Variants in TFDP2 observed in about 807,000 individuals in gnomAD.
TFDP2 encodes transcription factor Dp-2, also known as transcription factor Dp-2 (E2F dimerization partner 2).
In TFDP2, 17 loss-of-function variants were observed where a neutral mutation model predicts 59.3. The observed-to-expected ratio is 0.29, with a 90% CI of 0.20 to 0.43. TFDP2 has a LOEUF of 0.43. Among genes scored for constraint, TFDP2 ranks in the 20% least tolerant of loss-of-function variants. The probability of loss-of-function intolerance (pLI) is 1.00; values close to 1 mark genes in which losing one functional copy is unlikely to be tolerated. For missense variants in TFDP2, 391 were observed against 528.8 expected, an observed-to-expected ratio of 0.74 and a Z score of 2.56; for synonymous variants, 180 against 194.7, an observed-to-expected ratio of 0.92 and a Z score of 0.63.
At position 141,963,798 on chromosome 3, in the gene TFDP2, A is replaced by AG. The variant is rs1312358164; in HGVS notation, c.884+13dup. The AG allele has an allele frequency of 8.1e-6, 13 of 1,608,818 alleles. No homozygotes were observed. Among genetic ancestry groups the AG allele is most frequent in the Non-Finnish European group, 1.1e-5 (13 of 1,178,026 alleles). On this transcript the variant is annotated intron_variant, in intron 10 of 12. Transcript: ENST00000489671. ...GAAGGCCAGCCCTGCACCCATCCCT[A>AG]GTTCTCCACTCACTTGTCACTGGAG... is the stretch of plus-strand genomic sequence containing the variant.
intron 3 of TFDP2, among the ~76,000 whole-genome samples, chr3:142,073,341 T>G (rs2060314247): frequency 6.6e-6 from 1 of 151,820 alleles, no homozygotes; most frequent in South Asian, 2.1e-4. Flanking sequence ...ATAAAGTAAC[T>G]CTGTACTATC....
intron 1 of TFDP2, among the ~76,000 whole-genome samples, chr3:142,139,493 A>C (rs1308596163): frequency 6.6e-5 from 10 of 152,184 alleles, no homozygotes; most frequent in Non-Finnish European, 1.5e-5. Context: ...ATGTTTTTGC[A>C]GTGGCTGGTA....
chr3:141,968,540 CA>C (rs1320562778), intron 9 of TFDP2, among the ~76,000 whole-genome samples: 1 of 87,154 alleles, frequency 1.1e-5, no homozygotes, highest in Non-Finnish European at 2.0e-5. Context: ...ATATATATAA[CA>C]TATATATATC....
At chr3:142,033,734 C>G (rs1946544305) in intron 3 of TFDP2, among the ~76,000 whole-genome samples, 1 of 152,096 alleles carries the variant, frequency 6.6e-6, no homozygotes, top group South Asian at 2.1e-4. Context: ...CATCCAAATT[C>G]AAGTATTTGT....
Position 142,097,182 on chromosome 3 carries a change from T to A in TFDP2, c.16-4055A>T, listed in dbSNP as rs369571978. On this transcript the variant is annotated intron_variant, in intron 2 of 12. Transcript: ENST00000489671. ...AAATGTCACTTTCATATACCACAAG[T>A]ATATATATAAATCTGTGCAATCTTA... Among the ~76,000 whole-genome samples, 29 of 152,276 alleles carry A rather than the reference T, an allele frequency of 1.9e-4. No homozygotes were observed. The East Asian group carries it at 3.1e-3, about 16-fold the overall frequency.
In TFDP2 at chr3:141,968,650, A is replaced by C. The variant is rs1158524982; in HGVS notation, c.732+1423T>G. Among the ~76,000 whole-genome samples, 14 of 112,710 alleles carry C rather than the reference A, an allele frequency of 1.2e-4. No individual in the cohort carries two copies. In the East Asian group the frequency reaches 3.2e-3, roughly 26 times the overall value. The allele number at this position is 112,710 out of a possible 152,430, so 73.9% of individuals were successfully genotyped here. ...TATATATAACACATATATATCTCAT[A>C]TATAGATATATATAACACATATATA... On this transcript the variant is annotated intron_variant, in intron 9 of 12. Transcript: ENST00000489671.
chr3:141,973,388 T>C (rs538152045), intron 8 of TFDP2, among the ~76,000 whole-genome samples: 1 of 152,196 alleles, frequency 6.6e-6, no homozygotes, highest in African/African-American at 2.4e-5. Context: ...CCAGAAGCCA[T>C]ATTTAACCTC....
chr3:141,972,934 T>C (rs1254029335), intron 8 of TFDP2, among the ~76,000 whole-genome samples: 6 of 151,756 alleles, frequency 4.0e-5, no homozygotes, highest in Admixed American at 3.9e-4. Flanking sequence ...AAAAGGAGGA[T>C]ATTTCCACTG....
chr3:142,148,450 G>C (rs1349587343), intron 1 of TFDP2, among the ~76,000 whole-genome samples: 2 of 152,130 alleles, frequency 1.3e-5, no homozygotes, highest in East Asian at 3.9e-4. Context: ...TTTAATACGT[G>C]GAGGATTTTC....
intron 8 of TFDP2, 138 bp from the exon 9 acceptor site, chr3:141,970,279 C>T (rs1939513912): frequency 9.6e-6 from 7 of 732,222 alleles, no homozygotes; most frequent in Non-Finnish European, 1.4e-5. Context: ...AAAGACAAAT[C>T]ATATCTTTGT....
chr3:142,058,015 G>C (rs2059797677), intron 3 of TFDP2, among the ~76,000 whole-genome samples: 2 of 152,150 alleles, frequency 1.3e-5, no homozygotes. Context: ...CTATAAAATA[G>C]TCACAATTAT....
At chr3:142,061,889 TACACACACACACAC>T (rs71153939) in intron 3 of TFDP2, among the ~76,000 whole-genome samples, 8 of 79,954 alleles carry the variant, frequency 1.0e-4, no homozygotes, top group African/African-American at 2.5e-4. Flanking sequence ...TCTCTCTCTC[TACACACACACACAC>T]ACACACACAC....
At chr3:141,987,453 T>C (rs1942225336) in intron 6 of TFDP2, among the ~76,000 whole-genome samples, 1 of 151,756 alleles carries the variant, frequency 6.6e-6, no homozygotes, top group Non-Finnish European at 1.5e-5. Flanking sequence ...AGCTAATGTT[T>C]TGTATTTTTA....
At chr3:142,124,922 A>G (rs2062181059) in intron 1 of TFDP2, among the ~76,000 whole-genome samples, 3 of 152,216 alleles carry the variant, frequency 2.0e-5, no homozygotes, top group Admixed American at 2.0e-4. Flanking sequence ...TGAGCTGGGC[A>G]TTGTAGATTA....
chr3:141,977,796 C>T (rs139813352), intron 7 of TFDP2, among the ~76,000 whole-genome samples: 4,368 of 151,744 alleles, frequency 0.029, 191 homozygotes, highest in African/African-American at 0.1. Context: ...CTGCAACCTC[C>T]GCCTCCCAGG....
rs773566674 is a variant in TFDP2 at position 142,101,718 on chromosome 3, A to C, written c.15+17T>G. The C allele has an allele frequency of 7.4e-7, 1 of 1,354,116 alleles. No homozygotes were observed. The highest frequency in any genetic ancestry group is 1.4e-5 in the African/African-American group (1 of 69,230). 83.9% of individuals were successfully genotyped at this position (1,354,116 alleles called of 1,614,324 possible). A position where few individuals can be genotyped will look rare whatever the true frequency, so the allele number is the denominator to read the frequency against. On this transcript the variant is annotated intron_variant, in intron 2 of 12. Transcript: ENST00000489671. ...ACTTTAAACAATACTTACATTAAAA[A>C]ATTTACAAATACTTACATTTTTTGC...
chr3:142,035,609 C>T (rs555332709), intron 3 of TFDP2, among the ~76,000 whole-genome samples: 13 of 152,282 alleles, frequency 8.5e-5, no homozygotes, highest in Admixed American at 5.9e-4. Flanking sequence ...GATATGGTTT[C>T]GCTGTGTCCC....
chr3:142,041,865 T>C (rs1406821902), intron 3 of TFDP2, among the ~76,000 whole-genome samples: 1 of 152,188 alleles, frequency 6.6e-6, no homozygotes, highest in East Asian at 1.9e-4. Flanking sequence ...CCTAGGTTCA[T>C]TTTTTTGCAT....
At chr3:141,995,863 A>G (rs1404833850) in intron 4 of TFDP2, among the ~76,000 whole-genome samples, 1 of 149,460 alleles carries the variant, frequency 6.7e-6, no homozygotes, top group East Asian at 2.0e-4. Context: ...AGCCTGGGCA[A>G]AAAGAGCAAA....
Sources: gnomAD v4.1 joint callset for allele counts (sites outside exome capture counted in the v4.1 genomes callset) on GRCh38, gnomAD v4.1.1 for gene constraint, MANE v1.5 for transcripts, NCBI Gene and HGNC (gene_info 2026-07-23, HGNC 2026-07-21) for gene names.